ZNF438: variants seen among roughly 807,000 people sequenced by gnomAD.
ZNF438 encodes zinc finger protein 438.
Under a neutral mutation model 38.0 loss-of-function variants are expected in ZNF438, and 25 were observed. The ratio of observed to expected loss-of-function variants is 0.66; its 90% CI spans 0.48 to 0.92. ZNF438 has a LOEUF of 0.92. Among genes scored for constraint, ZNF438 ranks in the 40% least tolerant of loss-of-function variants. The probability of loss-of-function intolerance (pLI) is 0.00; values close to 1 mark genes in which losing one functional copy is unlikely to be tolerated. For missense variants in ZNF438, 1,007 were observed against 999.6 expected, an observed-to-expected ratio of 1.01 and a Z score of -0.10; for synonymous variants, 372 against 364.1, an observed-to-expected ratio of 1.02 and a Z score of -0.25.
At chr10:31,015,761 C>A (rs1246025872) in intron 1 of ZNF438, among the ~76,000 whole-genome samples, 2 of 152,222 alleles carry the variant, frequency 1.3e-5, no homozygotes, top group Admixed American at 6.5e-5. Flanking sequence ...GACTTCCTCA[C>A]AGTTCTGGAG....
chr10:31,001,632 C>A (rs1437097441), intron 1 of ZNF438, among the ~76,000 whole-genome samples: 2 of 152,172 alleles, frequency 1.3e-5, no homozygotes, highest in Non-Finnish European at 2.9e-5. Flanking sequence ...TATTACCTTT[C>A]TAATGCAGTT....
At position 30,930,208 on chromosome 10, in the gene ZNF438, G is replaced by A. The variant is rs138509992; in HGVS notation, c.-115+11367C>T. 2.9e-3 allele frequency among the ~76,000 whole-genome samples: 437 copies of A among 152,148 alleles called. 1 individual carries two copies. Among genetic ancestry groups the A allele is most frequent in the Middle Eastern group, 6.8e-3 (2 of 294 alleles). ...TCAGGCATGGTGGGTTGCAGGTCCC[G>A]AGCCCTGCCTGGCGGGAAGGTGGCT... is the stretch of plus-strand genomic sequence containing the variant. On this transcript the variant is annotated intron_variant, in intron 2 of 5. Coordinates refer to ENST00000413025, the Ensembl canonical transcript of ZNF438.
At chr10:31,001,074 C>G (rs1253207553) in intron 1 of ZNF438, among the ~76,000 whole-genome samples, 1 of 152,176 alleles carries the variant, frequency 6.6e-6, no homozygotes, top group Non-Finnish European at 1.5e-5. Context: ...ACTCTACAAC[C>G]CATTGCACTC....
At chr10:30,890,811 C>T (rs1200838219) in intron 3 of ZNF438, among the ~76,000 whole-genome samples, 20 of 152,222 alleles carry the variant, frequency 1.3e-4, no homozygotes, top group African/African-American at 4.3e-4. Flanking sequence ...CCTCCATTAT[C>T]GTTAATAACA....
chr10:30,854,445 T>C lies in ZNF438; in HGVS notation c.38-4078A>G, dbSNP rs373589693. 5.9e-5 allele frequency among the ~76,000 whole-genome samples: 9 copies of C among 152,292 alleles called. No individual in the cohort carries two copies. In the East Asian group the frequency reaches 9.6e-4, roughly 16 times the overall value. ...TACGTGACAGAGATTTACTAAATAT[T>C]TGTTGAATTTTTAAAGTGGTAATAG... On this transcript the variant is annotated intron_variant, in intron 4 of 5. Transcript: ENST00000413025.
chr10:30,920,568 T>C (rs1486256655), intron 2 of ZNF438: 1 of 152,218 alleles, frequency 6.6e-6, no homozygotes. Flanking sequence ...AGCTTCGCCA[T>C]CCTCATTTTA....
At chr10:31,013,048 G>C (rs1367293247) in intron 1 of ZNF438, among the ~76,000 whole-genome samples, 1 of 152,058 alleles carries the variant, frequency 6.6e-6, no homozygotes, top group Non-Finnish European at 1.5e-5. Flanking sequence ...GGCCGGGCGC[G>C]GTGGCTCACG....
chr10:30,928,755 C>T (rs894373812), intron 2 of ZNF438, among the ~76,000 whole-genome samples: 2 of 152,120 alleles, frequency 1.3e-5, no homozygotes, highest in Admixed American at 1.3e-4. Flanking sequence ...CTCTGTAGTT[C>T]CAATTTTTTC....
chr10:31,005,104 G>A (rs1160872269), intron 1 of ZNF438, among the ~76,000 whole-genome samples: 1 of 152,176 alleles, frequency 6.6e-6, no homozygotes, highest in African/African-American at 2.4e-5. Flanking sequence ...AATTCCTCCA[G>A]TGGGTAGATA....
intron 4 of ZNF438, among the ~76,000 whole-genome samples, chr10:30,864,945 T>A (rs74479436): frequency 1.5e-3 from 230 of 152,296 alleles, no homozygotes; most frequent in African/African-American, 5.3e-3. Context: ...ACACCTCCAG[T>A]CCATAGATGT....
chr10:30,912,621 G>T (rs147568292), intron 2 of ZNF438, among the ~76,000 whole-genome samples: 1 of 152,116 alleles, frequency 6.6e-6, no homozygotes, highest in Non-Finnish European at 1.5e-5. Flanking sequence ...GCAGCATACA[G>T]AATGATAAGG....
chr10:30,855,933 A>C (rs749954365), intron 4 of ZNF438, among the ~76,000 whole-genome samples: 1 of 152,250 alleles, frequency 6.6e-6, no homozygotes, highest in Non-Finnish European at 1.5e-5. Flanking sequence ...GAATGGGATA[A>C]GTGCTAACTT....
intron 1 of ZNF438, among the ~76,000 whole-genome samples, chr10:31,006,886 G>C (rs2055191974): frequency 6.6e-6 from 1 of 152,044 alleles, no homozygotes; most frequent in Non-Finnish European, 1.5e-5. Flanking sequence ...CACTCATTTG[G>C]TAAGGCGGAA....
chr10:30,963,185 A>C lies in ZNF438; in HGVS notation c.-191-21534T>G, dbSNP rs186064447. On this transcript the variant is annotated intron_variant, in intron 1 of 5. Transcript: ENST00000413025. ...GGTGGGCAGATCACCTGAAGTCAGG[A>C]GTTTGAGACCAGCCTGGCCAACAGA... Among the ~76,000 whole-genome samples, 989 of 151,936 alleles carry C rather than the reference A, an allele frequency of 6.5e-3. 7 individuals are homozygous for C. Among genetic ancestry groups the C allele is most frequent in the Non-Finnish European group, 0.011 (723 of 67,962 alleles).
chr10:30,872,749 C>CAA lies in ZNF438; in HGVS notation c.37+4247_37+4248dup, dbSNP rs10633045. On this transcript the variant is annotated intron_variant, in intron 4 of 5. Coordinates refer to ENST00000413025, the Ensembl canonical transcript of ZNF438. ...TGGGTGACAGAGTGAGACTCTGTCT[C>CAA]AAAAAAAAAAAAAAAAAAGAATTGA... Among the ~76,000 whole-genome samples the CAA allele has an allele frequency of 6.3e-3, 561 of 88,792 alleles. 26 individuals are homozygous for CAA. The highest frequency in any genetic ancestry group is 0.022 in the African/African-American group (508 of 23,416). 58.3% of individuals were successfully genotyped at this position (88,792 alleles called of 152,430 possible).
chr10:30,870,398 A>G (rs1484704165), intron 4 of ZNF438, among the ~76,000 whole-genome samples: 1 of 148,602 alleles, frequency 6.7e-6, no homozygotes, highest in Admixed American at 6.7e-5. Context: ...GTAAACACGC[A>G]TCCTTTTTAC....
chr10:30,933,722 T>A (rs1055466707), intron 2 of ZNF438, among the ~76,000 whole-genome samples: 40 of 152,136 alleles, frequency 2.6e-4, no homozygotes, highest in Admixed American at 1.7e-3. Flanking sequence ...TTTTGCAATC[T>A]CTGTTGTATG....
At chr10:30,865,451 GAAGA>G (rs2036271163) in intron 4 of ZNF438, among the ~76,000 whole-genome samples, 2 of 61,994 alleles carry the variant, frequency 3.2e-5, no homozygotes, top group Admixed American at 1.4e-4. Flanking sequence ...GAGTAAAAAT[GAAGA>G]AAAAAAATGA....
At chr10:30,869,936 C>T (rs1484363341) in intron 4 of ZNF438, among the ~76,000 whole-genome samples, 2 of 152,196 alleles carry the variant, frequency 1.3e-5, no homozygotes, top group Non-Finnish European at 2.9e-5. Flanking sequence ...CTCCTTGCTA[C>T]TGTGTGTTCA....
Sources: gnomAD v4.1 joint callset for allele counts (sites outside exome capture counted in the v4.1 genomes callset) on GRCh38, gnomAD v4.1.1 for gene constraint, MANE v1.5 for transcripts, NCBI Gene and HGNC (gene_info 2026-07-23, HGNC 2026-07-21) for gene names.